The following RBL1 variants were observed in gnomAD, a reference collection of about 807,000 sequenced individuals.
The protein encoded by RBL1 is retinoblastoma-like protein 1.
RBL1 carries 82 observed loss-of-function variants against 123.0 expected under a neutral mutation model. That is an observed-to-expected ratio of 0.67 (90% CI 0.56 to 0.80). RBL1 has a LOEUF of 0.80. RBL1 is among the 30% of genes least tolerant of loss of function. The pLI is 0.00. For synonymous variants in RBL1, 405 were observed against 441.3 expected (o/e 0.92, Z 1.03); for missense variants, 1,171 against 1,299.6 (o/e 0.90, Z 1.52).
At chr20:37,059,207 T>C (rs1237375049) in intron 9 of RBL1, among the ~76,000 whole-genome samples, 1 of 152,246 alleles carries the variant, frequency 6.6e-6, no homozygotes, top group Non-Finnish European at 1.5e-5. Context: ...CGTGACAGTC[T>C]TCCTATCTTA....
At position 37,060,406 on chromosome 20, in the gene RBL1, A is replaced by C. The variant is rs776717846; in HGVS notation, c.1250+697T>G. ...ACTCAGGGGTAGTTATAAGAGTGAA[A>C]TATCAGTGCTAAATAATCTTTAAGG... On this transcript the variant is annotated intron_variant, in intron 9 of 21. Coordinates refer to ENST00000373664, the MANE Select transcript of RBL1 (RefSeq NM_002895.5). 8.5e-5 allele frequency among the ~76,000 whole-genome samples: 13 copies of C among 152,264 alleles called. No individual in the cohort carries two copies. In the South Asian group the frequency reaches 1.0e-3, roughly 12 times the overall value.
At chr20:37,055,326 A>T in intron 11 of RBL1, among the ~76,000 whole-genome samples, 1 of 152,098 alleles carries the variant, frequency 6.6e-6, no homozygotes, top group Non-Finnish European at 1.5e-5. Context: ...AAAAAAAAAA[A>T]AAAAACACTT....
chr20:37,012,704 C>A (rs996665630), intron 19 of RBL1, among the ~76,000 whole-genome samples: 2 of 151,578 alleles, frequency 1.3e-5, no homozygotes, highest in African/African-American at 4.8e-5. Context: ...GGGGTCAACC[C>A]CCGCCAGGCC....
intron 9 of RBL1, among the ~76,000 whole-genome samples, chr20:37,057,995 C>G (rs544627447): frequency 1.2e-4 from 18 of 151,862 alleles, no homozygotes; most frequent in African/African-American, 4.1e-4. Context: ...CGTGGTGGTG[C>G]ATGCCTGTCA....
chr20:37,046,874 A>G lies in RBL1; in HGVS notation c.1605+179T>C, dbSNP rs151241008. On this transcript the variant is annotated intron_variant, in intron 12 of 21. Transcript: ENST00000373664. ...ATAATCCTCCCACCTTGGCCTTTCAAAGTGCTGGGATTACAGGCGTGAGCC... is the reference window on the plus strand; with the variant it reads ...ATAATCCTCCCACCTTGGCCTTTCAGAGTGCTGGGATTACAGGCGTGAGCC... 2.5e-3 allele frequency among the ~76,000 whole-genome samples: 380 copies of G among 152,126 alleles called. 2 individuals carry two copies. The highest frequency in any genetic ancestry group is 8.6e-3 in the African/African-American group (357 of 41,510).
intron 19 of RBL1, among the ~76,000 whole-genome samples, chr20:37,012,779 G>A (rs2064182061): frequency 6.7e-6 from 1 of 149,738 alleles, no homozygotes; most frequent in Admixed American, 6.6e-5. Context: ...CCCAGTCCGG[G>A]AGGGAGGTGG....
chr20:37,008,404 C>T (rs1348994500), intron 19 of RBL1, among the ~76,000 whole-genome samples: 1 of 152,180 alleles, frequency 6.6e-6, no homozygotes, highest in African/African-American at 2.4e-5. Flanking sequence ...AACAGGAACC[C>T]TGATCAGGAA....
intron 19 of RBL1, among the ~76,000 whole-genome samples, chr20:37,016,378 A>C (rs970174011): frequency 6.6e-6 from 1 of 151,966 alleles, no homozygotes; most frequent in African/African-American, 2.4e-5. Context: ...CTCCAGAATA[A>C]TACACTTATG....
chr20:37,020,830 GAAA>G, intron 17 of RBL1, 100 bp from the exon 18 acceptor site: 1 of 720,610 alleles, frequency 1.4e-6, no homozygotes, highest in Non-Finnish European at 2.3e-6. Flanking sequence ...CAACCTTGCA[GAAA>G]ACCATTAACC....
chr20:37,095,517 G>A (rs1302566110), intron 1 of RBL1, among the ~76,000 whole-genome samples: 1 of 152,204 alleles, frequency 6.6e-6, no homozygotes, highest in East Asian at 1.9e-4. Flanking sequence ...CGGGGTAGAG[G>A]GAAGTGTGGT....
intron 3 of RBL1, among the ~76,000 whole-genome samples, chr20:37,067,766 CAAAAAA>C (rs1168742059): frequency 1.6e-5 from 1 of 62,686 alleles, no homozygotes; most frequent in South Asian, 7.7e-4. Context: ...TGAGACTCCT[CAAAAAA>C]AAAAAAAAAA....
At chr20:37,069,083 G>A (rs865820362) in intron 2 of RBL1, among the ~76,000 whole-genome samples, 52 of 152,362 alleles carry the variant, frequency 3.4e-4, no homozygotes, top group African/African-American at 1.1e-3. Flanking sequence ...CAAGTGATCC[G>A]CCAGCCTCGG....
At chr20:37,045,591 G>A (rs2064808129) in intron 12 of RBL1, among the ~76,000 whole-genome samples, 1 of 151,110 alleles carries the variant, frequency 6.6e-6, no homozygotes, top group South Asian at 2.1e-4. Context: ...AGTCTCTATT[G>A]AAAAAAAAGG....
chr20:37,061,372 T>A, intron 8 of RBL1, 103 bp from the exon 9 acceptor site: 1 of 1,409,436 alleles, frequency 7.1e-7, no homozygotes, highest in Non-Finnish European at 9.3e-7. Context: ...ATTTGTAATA[T>A]CCATGAAATT....
intron 9 of RBL1, among the ~76,000 whole-genome samples, chr20:37,057,052 T>C (rs199591077): frequency 2.5e-4 from 30 of 119,612 alleles, no homozygotes; most frequent in South Asian, 1.2e-3. Flanking sequence ...TACCTACCTA[T>C]CTACCTATCT....
At chr20:37,043,949 ATCTAT>A (rs2064773651) in intron 13 of RBL1, 132 bp downstream of exon 13, 1 of 575,598 alleles carries the variant, frequency 1.7e-6, no homozygotes, top group South Asian at 4.2e-5. Context: ...GGCTGCACAT[ATCTAT>A]TTATATACTA....
At chr20:37,062,517 C>T (rs978763733) in intron 7 of RBL1, among the ~76,000 whole-genome samples, 32 of 151,818 alleles carry the variant, frequency 2.1e-4, no homozygotes, top group Admixed American at 2.1e-3. Flanking sequence ...CTAGTTGAAT[C>T]TAATTATGAA....
At position 36,998,830 on chromosome 20, in the gene RBL1, C is replaced by T. The variant is rs1002090060; in HGVS notation, c.3136G>A (p.Val1046Ile). Reference protein sequence around the residue: ...DSDAESPAKRVCQENDDVLLK... With the variant: ...DSDAESPAKRICQENDDVLLK... ...AAAACGTCATCATTTTCTTGACAGA[C>T]GCGTTTGGCAGGGGATTCTGCATCA... The change falls in exon 22 of 22, where the codon GTC becomes ATC. Residue 1046 changes from valine to isoleucine, a missense_variant. Val to Ile is a conservative substitution (Grantham distance 29). Coordinates refer to ENST00000373664, the MANE Select transcript of RBL1 (RefSeq NM_002895.5). 5 of 1,613,554 alleles carry T rather than the reference C, an allele frequency of 3.1e-6. No individual in the cohort carries two copies. The highest frequency in any genetic ancestry group is 1.6e-4 in the Middle Eastern group (1 of 6,084).
At chr20:37,033,186 T>G (rs942454567) in intron 15 of RBL1, among the ~76,000 whole-genome samples, 35 of 128,090 alleles carry the variant, frequency 2.7e-4, no homozygotes, top group African/African-American at 1.0e-3. Context: ...GCCTGGTAAA[T>G]TTTTTTTTTT....
Sources: allele counts gnomAD v4.1 joint callset (sites outside exome capture counted in the v4.1 genomes callset), GRCh38; gene constraint gnomAD v4.1.1; transcripts MANE v1.5; gene names NCBI Gene and HGNC (gene_info 2026-07-23, HGNC 2026-07-21).